The following FAM83B variants were observed in gnomAD, a reference collection of about 807,000 sequenced individuals.
FAM83B encodes protein FAM83B.
In FAM83B, 26 loss-of-function variants were observed where a neutral mutation model predicts 38.8. That is an observed-to-expected ratio of 0.67 (90% confidence interval 0.49 to 0.93). The LOEUF (loss-of-function observed/expected upper bound fraction) is 0.93, where lower values mean the gene tolerates loss of function less well. Ranked by LOEUF, FAM83B falls within the 40% of genes least tolerant of loss-of-function variation. The probability of loss-of-function intolerance (pLI) is 0.00; values close to 1 mark genes in which losing one functional copy is unlikely to be tolerated. For missense variants in FAM83B, 1,237 were observed against 1,197.3 expected (o/e 1.03, Z -0.49); for synonymous variants, 419 against 423.1 (o/e 0.99, Z 0.12).
At chr6:54,876,041 A>G (rs560299333) in intron 2 of FAM83B, among the ~76,000 whole-genome samples, 10 of 152,250 alleles carry the variant, frequency 6.6e-5, no homozygotes, top group African/African-American at 2.4e-4. Context: ...GAAATTTCAG[A>G]TGTTTTACTC....
intron 2 of FAM83B, among the ~76,000 whole-genome samples, chr6:54,874,829 T>C (rs2127576407): frequency 6.6e-6 from 1 of 152,294 alleles, no homozygotes; most frequent in East Asian, 1.9e-4. Flanking sequence ...GAGTAATTCC[T>C]GATGCGCTCT....
At chr6:54,904,533 T>C (rs958590430) in intron 2 of FAM83B, among the ~76,000 whole-genome samples, 2 of 152,192 alleles carry the variant, frequency 1.3e-5, no homozygotes, top group Admixed American at 1.3e-4. Flanking sequence ...CAGGTGCCTG[T>C]CAGCGAATGA....
intron 2 of FAM83B, among the ~76,000 whole-genome samples, chr6:54,895,521 C>G (rs1478441970): frequency 6.6e-6 from 1 of 152,162 alleles, no homozygotes; most frequent in Non-Finnish European, 1.5e-5. Context: ...CTTTTACAAG[C>G]AATATCTATT....
chr6:54,932,385 C>T (rs1236116451), intron 4 of FAM83B, among the ~76,000 whole-genome samples: 1 of 152,118 alleles, frequency 6.6e-6, no homozygotes, highest in East Asian at 1.9e-4. Flanking sequence ...AAACTCCACA[C>T]CTTTATAGCT....
At chr6:54,855,122 G>A (rs138440313) in intron 1 of FAM83B, among the ~76,000 whole-genome samples, 1 of 152,240 alleles carries the variant, frequency 6.6e-6, no homozygotes, top group East Asian at 1.9e-4. Flanking sequence ...TCAAATAAGT[G>A]TGCAAATACG....
rs1223328790 is a variant in FAM83B, at chr6:54,865,057, A to T, written c.-60-5130A>T. Among the ~76,000 whole-genome samples, 4 of 152,238 alleles carry T rather than the reference A, an allele frequency of 2.6e-5. No individual in the cohort carries two copies. In the East Asian group the frequency reaches 7.7e-4, roughly 29 times the overall value. On this transcript the variant is annotated intron_variant, in intron 1 of 4. Transcript: ENST00000306858. ...CTTGGTAATTTAAGTTTATTTAAAA[A>T]TTTTGAAGGTTTCAAAATAAAAGCA...
At chr6:54,887,446 A>G (rs1394466528) in intron 2 of FAM83B, among the ~76,000 whole-genome samples, 1 of 152,140 alleles carries the variant, frequency 6.6e-6, no homozygotes, top group Non-Finnish European at 1.5e-5. Context: ...TTATATATTC[A>G]ATAGCTGTTA....
At chr6:54,911,598 C>T (rs530225641) in intron 2 of FAM83B, among the ~76,000 whole-genome samples, 11 of 152,020 alleles carry the variant, frequency 7.2e-5, no homozygotes, top group Admixed American at 2.6e-4. Context: ...TTTTGTATTT[C>T]GTAAGGTCAG....
Position 54,943,434 on chromosome 6 carries a change from TGAA to T in FAM83B, c.*1429_*1431del, listed in dbSNP as rs1463799909. On this transcript the variant is annotated 3_prime_UTR_variant, in exon 5 of 5. Transcript: ENST00000306858. ...GAAGCAGTGCATCCTGTGAGAAGTG[TGAA>T]GTGTTTGTACATCACTTTAAATATA... is the stretch of plus-strand genomic sequence containing the variant. The T allele has an allele frequency of 6.6e-6, 1 of 152,166 alleles. No homozygotes were observed. The highest frequency in any genetic ancestry group is 6.6e-5 in the Admixed American group (1 of 15,266). The allele number at this position is 152,166 out of a possible 1,614,324, so 9.4% of individuals were successfully genotyped here.
chr6:54,876,686 T>G (rs1182851127), intron 2 of FAM83B, among the ~76,000 whole-genome samples: 1 of 152,028 alleles, frequency 6.6e-6, no homozygotes, highest in African/African-American at 2.4e-5. Context: ...CAGCTATTAC[T>G]CTTTAGTATT....
intron 2 of FAM83B, among the ~76,000 whole-genome samples, chr6:54,873,526 A>G (rs1397630626): frequency 1.3e-5 from 2 of 152,138 alleles, no homozygotes; most frequent in African/African-American, 4.8e-5. Flanking sequence ...ATCTTTCAGA[A>G]TCAATGGGAG....
At chr6:54,910,955 A>G (rs547602477) in intron 2 of FAM83B, among the ~76,000 whole-genome samples, 16 of 152,210 alleles carry the variant, frequency 1.1e-4, no homozygotes, top group Admixed American at 6.5e-4. Context: ...GCAACATACA[A>G]TATCACATAC....
chr6:54,931,690 C>T (rs575359189), intron 4 of FAM83B, among the ~76,000 whole-genome samples: 1 of 151,700 alleles, frequency 6.6e-6, no homozygotes, highest in Non-Finnish European at 1.5e-5. Flanking sequence ...TATGTATGTC[C>T]TTAGATCAAA....
intron 4 of FAM83B, among the ~76,000 whole-genome samples, chr6:54,931,736 T>G (rs1773423124): frequency 6.6e-6 from 1 of 152,106 alleles, no homozygotes; most frequent in Non-Finnish European, 1.5e-5. Flanking sequence ...ATTTGGATAC[T>G]GTTTTTTTAA....
intron 2 of FAM83B, among the ~76,000 whole-genome samples, chr6:54,909,857 T>C (rs919319474): frequency 9.2e-5 from 14 of 152,188 alleles, no homozygotes; most frequent in African/African-American, 3.4e-4. Context: ...TAAAGATGAG[T>C]TGAATTTTCT....
At chr6:54,874,803 A>G (rs1771953147) in intron 2 of FAM83B, among the ~76,000 whole-genome samples, 1 of 152,154 alleles carries the variant, frequency 6.6e-6, no homozygotes, top group Non-Finnish European at 1.5e-5. Context: ...GCAAAAGTCT[A>G]GTGAGAATTA....
rs561242876 is a variant in FAM83B, at chr6:54,940,009, T to A, written c.1038T>A (p.Asn346Lys). ...AAAACAGAGGGATATATACTTTAAATGAACATGACAAATATAACATAAGAA... is the reference window on the plus strand; with the variant it reads ...AAAACAGAGGGATATATACTTTAAAAGAACATGACAAATATAACATAAGAA... ...YFKNRGIYTLNEHDKYNIRSH... is the reference protein window; with the variant it reads ...YFKNRGIYTLKEHDKYNIRSH... Residue 346 changes from asparagine to lysine, a missense_variant, in exon 5 of 5, where the codon AAT becomes AAA. Asn to Lys is a moderately conservative substitution (Grantham distance 94). Coordinates refer to ENST00000306858, the MANE Select transcript of FAM83B (RefSeq NM_001010872.3). 4.3e-6 allele frequency: 7 copies of A among 1,614,048 alleles called. No homozygotes were observed. The South Asian group carries it at 6.6e-5, about 15-fold the overall frequency.
At chr6:54,871,550 C>G (rs1348129734) in intron 2 of FAM83B, among the ~76,000 whole-genome samples, 1 of 116,638 alleles carries the variant, frequency 8.6e-6, no homozygotes, top group African/African-American at 3.1e-5. Flanking sequence ...AAAACCTCGT[C>G]TCTACAATAA....
rs766860593 is a variant in FAM83B, at chr6:54,926,512, G to A, written c.586G>A (p.Gly196Ser). The part of the protein sequence containing the change: ...NHFLNMTEKQ[G>S]CSVQRLRNIR... ...TTTTCTAAATATGACTGAGAAACAA[G>A]GTTGTTCAGTTCAGCGTCTCAGGGT... The change falls in exon 3 of 5, where the codon GGT (glycine) becomes AGT (serine). Residue 196 changes from glycine to serine, a missense_variant. Physicochemically the swap from Gly to Ser is moderately conservative, Grantham distance 56 (BLOSUM62 0). Coordinates refer to ENST00000306858, the MANE Select transcript of FAM83B (RefSeq NM_001010872.3). The A allele has an allele frequency of 2.5e-6, 4 of 1,599,206 alleles. No individual in the cohort carries two copies. Among genetic ancestry groups the A allele is most frequent in the African/African-American group, 1.3e-5 (1 of 74,358 alleles).
Sources: allele counts gnomAD v4.1 joint callset (sites outside exome capture counted in the v4.1 genomes callset), GRCh38; gene constraint gnomAD v4.1.1; transcripts MANE v1.5; gene names NCBI Gene and HGNC (gene_info 2026-07-23, HGNC 2026-07-21).